The following DOCK8 variants were observed in gnomAD, a reference collection of about 807,000 sequenced individuals.
The protein encoded by DOCK8 is dedicator of cytokinesis 8.
Under a neutral mutation model 245.6 loss-of-function variants are expected in DOCK8, and 141 were observed. The observed-to-expected ratio is 0.57, with a 90% CI of 0.50 to 0.66. The LOEUF (loss-of-function observed/expected upper bound fraction) is 0.66. Among genes scored for constraint, DOCK8 ranks in the 30% least tolerant of loss-of-function variants. The pLI, the probability that DOCK8 is intolerant of heterozygous loss-of-function variation, is 0.00. For missense variants in DOCK8, 2,965 were observed against 2,603.4 expected, an observed-to-expected ratio of 1.14 and a Z score of -3.02; for synonymous variants, 1,168 against 970.2, an observed-to-expected ratio of 1.20 and a Z score of -3.79.
At chr9:452,679 T>C (rs1316197536) in intron 46 of DOCK8, 2 of 152,392 alleles carry the variant, frequency 1.3e-5, no homozygotes, top group Non-Finnish European at 2.9e-5. Flanking sequence ...TAATATCTTA[T>C]TTTTAGAAAC....
chr9:324,197 C>T (rs1349371538), intron 7 of DOCK8, among the ~76,000 whole-genome samples: 1 of 152,222 alleles, frequency 6.6e-6, no homozygotes, highest in Non-Finnish European at 1.5e-5. Flanking sequence ...CAAATTGCCT[C>T]ATTTCCAAAG....
At chr9:345,199 C>G (rs7040403) in intron 14 of DOCK8, among the ~76,000 whole-genome samples, 84,286 of 151,986 alleles carry the variant, frequency 0.55, 24,268 homozygotes, top group East Asian at 0.74. Context: ...CCTGATCATA[C>G]CTGTATCCCT....
At chr9:214,664 G>T, upstream of DOCK8, 4 of 1,600,870 alleles carry the variant, frequency 2.5e-6, no homozygotes, top group Non-Finnish European at 3.4e-6. Flanking sequence ...TTCGGCCGGA[G>T]GTCGGCGGCC....
At chr9:450,977 T>C (rs207470066) in intron 45 of DOCK8, among the ~76,000 whole-genome samples, 9 of 151,970 alleles carry the variant, frequency 5.9e-5, no homozygotes, top group African/African-American at 9.7e-5. Context: ...ATTACACTTA[T>C]ATATGAATGA....
In DOCK8 at chr9:371,940, C is replaced by G. The variant is rs146845761; in HGVS notation, c.2008-245C>G. ...AACATTGATGTTGTTCAGACACACA[C>G]AAACATTGGCTACAGAGAAAAATGC... On this transcript the variant is annotated intron_variant, in intron 17 of 47. Coordinates refer to ENST00000432829, the MANE Select transcript of DOCK8 (RefSeq NM_203447.4). 6.0e-4 allele frequency among the ~76,000 whole-genome samples: 91 copies of G among 152,178 alleles called. 1 individual carries two copies. In the East Asian group the frequency reaches 0.015, roughly 25 times the overall value.
chr9:236,963 C>G (rs1421239721), intron 1 of DOCK8, among the ~76,000 whole-genome samples: 1 of 152,224 alleles, frequency 6.6e-6, no homozygotes. Context: ...GGACTGCTTA[C>G]AAGATTCATC....
chr9:399,988 C>CCCA (rs1564011206), intron 26 of DOCK8, among the ~76,000 whole-genome samples: 1 of 79,434 alleles, frequency 1.3e-5, no homozygotes, highest in Non-Finnish European at 2.3e-5. Flanking sequence ...ATCACCACCT[C>CCCA]CCACCACCTC....
intron 5 of DOCK8, among the ~76,000 whole-genome samples, chr9:307,855 A>G (rs2049920660): frequency 6.6e-6 from 1 of 152,234 alleles, no homozygotes; most frequent in Non-Finnish European, 1.5e-5. Flanking sequence ...AAAATGTGGT[A>G]TGTATACACG....
Position 390,463 on chromosome 9 carries a change from T to G in DOCK8, c.2875-8T>G, listed in dbSNP as rs749017996. 6.2e-7 allele frequency: 1 copy of G among 1,613,746 alleles called. No homozygotes were observed. ...TTTCACAGCCTAATTTTTGTGGTTCTTATTTAGCATTTCCATGAGGAGCTT... is the reference window on the plus strand; with the variant it reads ...TTTCACAGCCTAATTTTTGTGGTTCGTATTTAGCATTTCCATGAGGAGCTT... On this transcript the variant is annotated splice_polypyrimidine_tract_variant and splice_region_variant and intron_variant, in intron 23 of 47. Coordinates refer to ENST00000432829, the MANE Select transcript of DOCK8 (RefSeq NM_203447.4).
chr9:271,865 G>A (rs2048173414), intron 2 of DOCK8, 136 bp downstream of exon 2: 5 of 676,628 alleles, frequency 7.4e-6, no homozygotes, highest in Non-Finnish European at 1.3e-5. Flanking sequence ...CTCTGTGACT[G>A]TGTCTGGACA....
intron 13 of DOCK8, among the ~76,000 whole-genome samples, chr9:339,727 G>C (rs1001951013): frequency 6.6e-6 from 1 of 152,172 alleles, no homozygotes; most frequent in Non-Finnish European, 1.5e-5. Flanking sequence ...TGTTGGCCAG[G>C]ATTGTCTCGA....
intron 20 of DOCK8, among the ~76,000 whole-genome samples, chr9:377,660 A>C (rs1235168036): frequency 6.6e-6 from 1 of 152,218 alleles, no homozygotes; most frequent in Non-Finnish European, 1.5e-5. Flanking sequence ...TAAAGTGTAT[A>C]GTTCATTGGT....
intron 26 of DOCK8, among the ~76,000 whole-genome samples, chr9:404,172 G>C (rs1477636337): frequency 2.6e-5 from 4 of 151,846 alleles, no homozygotes; most frequent in African/African-American, 7.2e-5. Context: ...TTTGCCTTTA[G>C]AGGAGCTGCC....
intron 14 of DOCK8, among the ~76,000 whole-genome samples, chr9:344,870 G>T (rs548740549): frequency 6.6e-6 from 1 of 151,972 alleles, no homozygotes; most frequent in African/African-American, 2.4e-5. Flanking sequence ...TGGCCAACAC[G>T]GTGACCCCTT....
At chr9:324,982 C>G (rs1220210368) in intron 7 of DOCK8, among the ~76,000 whole-genome samples, 3 of 152,130 alleles carry the variant, frequency 2.0e-5, no homozygotes, top group Non-Finnish European at 4.4e-5. Context: ...CCTCTACTCT[C>G]CTGCTTCTGA....
At chr9:236,228 A>T (rs2047245054) in intron 1 of DOCK8, among the ~76,000 whole-genome samples, 1 of 152,130 alleles carries the variant, frequency 6.6e-6, no homozygotes, top group South Asian at 2.1e-4. Context: ...CTGTACAGTG[A>T]ATCAGTATTG....
chr9:368,164 A>C (rs141335439), intron 15 of DOCK8, 29 bp downstream of exon 15: 1 of 1,586,300 alleles, frequency 6.3e-7, no homozygotes, highest in Non-Finnish European at 8.7e-7. Flanking sequence ...ATTTGCCTCA[A>C]ATCAGGGTGG....
intron 46 of DOCK8, 111 bp downstream of exon 46, chr9:452,228 G>C: frequency 2.7e-6 from 2 of 730,910 alleles, no homozygotes; most frequent in Non-Finnish European, 4.7e-6. Flanking sequence ...CAAAGTCTCA[G>C]GCACCCTCCA....
chr9:271,808 T>C, intron 2 of DOCK8, 79 bp downstream of exon 2: 1 of 917,804 alleles, frequency 1.1e-6, no homozygotes, highest in Non-Finnish European at 1.7e-6. Flanking sequence ...TCCTGTTCCT[T>C]AGATCTTCCT....
Sources: gnomAD v4.1 joint callset for allele counts (sites outside exome capture counted in the v4.1 genomes callset) on GRCh38, gnomAD v4.1.1 for gene constraint, MANE v1.5 for transcripts, NCBI Gene and HGNC (gene_info 2026-07-23, HGNC 2026-07-21) for gene names.